Variants in ITGAM observed in about 807,000 individuals in gnomAD.
ITGAM encodes integrin alpha-M.
ITGAM carries 79 observed loss-of-function variants against 137.5 expected under a neutral mutation model. The observed-to-expected ratio is 0.57, with a 90% CI of 0.48 to 0.69. The LOEUF (loss-of-function observed/expected upper bound fraction) is 0.69, where lower values mean the gene tolerates loss of function less well. Among genes scored for constraint, ITGAM ranks in the 30% least tolerant of loss-of-function variants. The pLI, the probability that ITGAM is intolerant of heterozygous loss-of-function variation, is 0.00. For missense variants in ITGAM, 1,343 were observed against 1,483.5 expected, an observed-to-expected ratio of 0.91 and a Z score of 1.56; for synonymous variants, 583 against 592.3, an observed-to-expected ratio of 0.98 and a Z score of 0.23.
At chr16:31,302,401 T>TTTC (rs1179355370) in intron 14 of ITGAM, among the ~76,000 whole-genome samples, 6,134 of 132,642 alleles carry the variant, frequency 0.046, 289 homozygotes, top group Non-Finnish European at 0.058. Context: ...TTTTCTTTTC[T>TTTC]TTTCTTTTTT....
At chr16:31,292,775 T>A (rs1275671678) in intron 12 of ITGAM, among the ~76,000 whole-genome samples, 1 of 152,176 alleles carries the variant, frequency 6.6e-6, no homozygotes, top group Non-Finnish European at 1.5e-5. Context: ...TCTGGGTATA[T>A]CCCCAGTAAT....
intron 22 of ITGAM, 59 bp downstream of exon 22, chr16:31,326,994 C>T (rs760069695): frequency 7.7e-7 from 1 of 1,301,052 alleles, no homozygotes. Flanking sequence ...CAGCCCCTGG[C>T]CCATGGTGGG....
intron 14 of ITGAM, among the ~76,000 whole-genome samples, chr16:31,300,944 A>G (rs547022452): frequency 6.2e-4 from 95 of 152,204 alleles, no homozygotes; most frequent in African/African-American, 2.2e-3. Flanking sequence ...ATTTTTTGCT[A>G]TTGAGTTGTA....
Position 31,325,361 on chromosome 16 carries a change from T to G in ITGAM, c.2462T>G (p.Phe821Cys), listed in dbSNP as rs1437800431. 2.5e-6 allele frequency: 4 copies of G among 1,613,794 alleles called. No homozygotes were observed. In the African/African-American group the frequency reaches 5.3e-5, roughly 22 times the overall value. Residue 821 changes from phenylalanine to cysteine, a missense_variant, in exon 20 of 30, where the codon TTC becomes TGC. Phe to Cys is a radical substitution (Grantham distance 205). Transcript: ENST00000544665. ...EDSYRTQVTF[F>C]FPLDLSYRKV... ...TCCTACAGGACACAGGTCACCTTCT[T>G]CTTCCCGCTTGACCTGTCCTACCGG... is the stretch of plus-strand genomic sequence containing the variant.
At chr16:31,262,643 C>G (rs895245833) in intron 2 of ITGAM, among the ~76,000 whole-genome samples, 3 of 152,034 alleles carry the variant, frequency 2.0e-5, no homozygotes, top group Admixed American at 2.0e-4. Flanking sequence ...GGCCTCAAGT[C>G]ATCCTCTTGC....
At chr16:31,330,187 G>A (rs1310293422) in intron 26 of ITGAM, 23 bp downstream of exon 26, 2 of 1,609,460 alleles carry the variant, frequency 1.2e-6, no homozygotes, top group African/African-American at 1.3e-5. Flanking sequence ...GTCAGCCCCA[G>A]GGCCACACAG....
rs779407834 is a variant in ITGAM at position 31,329,918 on chromosome 16, C to T, written c.2976+13C>T. 1.3e-6 allele frequency: 2 copies of T among 1,554,262 alleles called. No individual in the cohort carries two copies. Among genetic ancestry groups the T allele is most frequent in the Non-Finnish European group, 1.7e-6 (2 of 1,147,816 alleles). On this transcript the variant is annotated intron_variant, in intron 25 of 29. Transcript: ENST00000544665. ...CACCTTCTCCGAGGTGAGCGGAGCTCGGCCTGACTCCTGCACGGCCCTGCG... is the reference window on the plus strand; with the variant it reads ...CACCTTCTCCGAGGTGAGCGGAGCTTGGCCTGACTCCTGCACGGCCCTGCG...
intron 14 of ITGAM, among the ~76,000 whole-genome samples, chr16:31,315,003 G>T (rs1414630961): frequency 6.6e-6 from 1 of 151,840 alleles, no homozygotes; most frequent in Admixed American, 6.6e-5. Flanking sequence ...AGTAGAGATG[G>T]CATTTCACCA....
At chr16:31,265,642 C>A (rs1048933716) in intron 3 of ITGAM, 144 bp downstream of exon 3, 4 of 763,248 alleles carry the variant, frequency 5.2e-6, no homozygotes, top group Admixed American at 2.7e-5. Context: ...AGTCTCTACC[C>A]TAGACATCCC....
chr16:31,283,272 C>T (rs1356729022), intron 12 of ITGAM, among the ~76,000 whole-genome samples: 2 of 152,150 alleles, frequency 1.3e-5, no homozygotes, highest in Non-Finnish European at 2.9e-5. Flanking sequence ...GCCTGCCTTG[C>T]TAGATTGGGG....
At chr16:31,283,651 G>A (rs1363715316) in intron 12 of ITGAM, among the ~76,000 whole-genome samples, 1 of 152,116 alleles carries the variant, frequency 6.6e-6, no homozygotes, top group African/African-American at 2.4e-5. Flanking sequence ...TAGCTTCTTT[G>A]TGATGGGTTT....
intron 8 of ITGAM, 62 bp downstream of exon 8, chr16:31,273,580 C>G: frequency 1.3e-6 from 2 of 1,520,450 alleles, no homozygotes; most frequent in Admixed American, 3.6e-5. Flanking sequence ...ATCCATCCTC[C>G]CTTCAATTTG....
chr16:31,283,618 G>A (rs1425769357), intron 12 of ITGAM, among the ~76,000 whole-genome samples: 2 of 152,102 alleles, frequency 1.3e-5, no homozygotes, highest in Admixed American at 6.6e-5. Flanking sequence ...TTAGCCATTC[G>A]TCTAATCTTT....
chr16:31,321,702 A>C (rs1329355996), intron 16 of ITGAM, 75 bp downstream of exon 16: 9 of 1,478,374 alleles, frequency 6.1e-6, no homozygotes, highest in Non-Finnish European at 8.3e-6. Flanking sequence ...CACTCTGCCC[A>C]GCCTTCTGGC....
intron 12 of ITGAM, among the ~76,000 whole-genome samples, chr16:31,281,167 G>A: frequency 6.6e-6 from 1 of 152,160 alleles, no homozygotes; most frequent in Non-Finnish European, 1.5e-5. Context: ...AGGGATATTG[G>A]TCTAAAATTC....
rs759139687 is a variant in ITGAM, at chr16:31,330,614, C to G, written c.3276+9C>G. 59 of 1,588,028 alleles carry G rather than the reference C, an allele frequency of 3.7e-5. No individual in the cohort carries two copies. The highest frequency in any genetic ancestry group is 4.9e-5 in the Non-Finnish European group (57 of 1,165,036). Reference sequence around the variant, plus strand: ...CGTTTGTGAGGTCCCAGGTACCTGTCTTGGGCGCTGAGGAACTATTGGAGG... The same window carrying G: ...CGTTTGTGAGGTCCCAGGTACCTGTGTTGGGCGCTGAGGAACTATTGGAGG... On this transcript the variant is annotated intron_variant, in intron 28 of 29. Transcript: ENST00000544665.
intron 28 of ITGAM, among the ~76,000 whole-genome samples, 192 bp downstream of exon 28, chr16:31,330,797 CACAGAGACAG>C (rs1335585294): frequency 5.6e-5 from 3 of 53,804 alleles, no homozygotes; most frequent in Admixed American, 1.7e-4. Flanking sequence ...GAGAAACAGA[CACAGAGACAG>C]ACAAAGGAGA....
chr16:31,295,137 C>G (rs531707889), intron 12 of ITGAM, among the ~76,000 whole-genome samples: 93 of 152,186 alleles, frequency 6.1e-4, no homozygotes, highest in African/African-American at 2.2e-3. Context: ...TTTCTTGACA[C>G]AGTATGTTTT....
chr16:31,261,177 A>G (rs975431480), intron 1 of ITGAM, among the ~76,000 whole-genome samples: 2 of 148,120 alleles, frequency 1.4e-5, no homozygotes, highest in African/African-American at 2.5e-5. Context: ...AAGGGAATGG[A>G]GCAGGAAGAC....
Sources: allele counts gnomAD v4.1 joint callset (sites outside exome capture counted in the v4.1 genomes callset), GRCh38; gene constraint gnomAD v4.1.1; transcripts MANE v1.5; gene names NCBI Gene and HGNC (gene_info 2026-07-23, HGNC 2026-07-21).